The following ARHGEF3 variants were observed in gnomAD, a reference collection of about 807,000 sequenced individuals.
ARHGEF3 encodes Rho guanine nucleotide exchange factor 3.
Under a neutral mutation model 63.2 loss-of-function variants are expected in ARHGEF3, and 28 were observed. The ratio of observed to expected loss-of-function variants is 0.44; its 90% confidence interval spans 0.33 to 0.61. The LOEUF (loss-of-function observed/expected upper bound fraction) is 0.61, where lower values mean the gene tolerates loss of function less well. Ranked by LOEUF, ARHGEF3 falls within the 20% of genes least tolerant of loss-of-function variation. ARHGEF3 has a pLI of 0.03. For synonymous variants in ARHGEF3, 266 were observed against 254.2 expected, an observed-to-expected ratio of 1.05 and a Z score of -0.44; for missense variants, 533 against 659.3, an observed-to-expected ratio of 0.81 and a Z score of 2.10.
chr3:56,962,920 C>T (rs973733779), intron 2 of ARHGEF3, among the ~76,000 whole-genome samples: 1 of 152,142 alleles, frequency 6.6e-6, no homozygotes, highest in Non-Finnish European at 1.5e-5. Flanking sequence ...GACTGTTTCT[C>T]GTCACCTTGA....
At chr3:57,019,801 G>A (rs1369734074) in intron 2 of ARHGEF3, among the ~76,000 whole-genome samples, 2 of 152,180 alleles carry the variant, frequency 1.3e-5, no homozygotes, top group African/African-American at 4.8e-5. Flanking sequence ...CTGAGAGGCT[G>A]GGGGTAAGGG....
At chr3:56,904,119 TC>T (rs2041610509) in intron 3 of ARHGEF3, among the ~76,000 whole-genome samples, 3 of 152,124 alleles carry the variant, frequency 2.0e-5, no homozygotes, top group Admixed American at 1.3e-4. Flanking sequence ...AACCTCTGCT[TC>T]CCCAGCTTAA....
chr3:56,993,042 C>G (rs1482491421), intron 2 of ARHGEF3, among the ~76,000 whole-genome samples: 1 of 152,160 alleles, frequency 6.6e-6, no homozygotes, highest in East Asian at 1.9e-4. Context: ...ACCATATTGG[C>G]CAGTCTGGCC....
At chr3:56,838,994 C>G (rs552578714) in intron 4 of ARHGEF3, among the ~76,000 whole-genome samples, 9 of 152,134 alleles carry the variant, frequency 5.9e-5, no homozygotes, top group Non-Finnish European at 1.2e-4. Context: ...TAAAAATTTA[C>G]TGGGCGTGGT....
intron 1 of ARHGEF3, chr3:57,075,248 ACT>A (rs915811530): frequency 6.1e-6 from 1 of 162,856 alleles, no homozygotes; most frequent in African/African-American, 2.5e-5. Context: ...TACACTGGCC[ACT>A]CTCCCTCACA....
At chr3:57,078,765 G>T (rs1297655018) in intron 1 of ARHGEF3, 1 of 152,998 alleles carries the variant, frequency 6.5e-6, no homozygotes, top group East Asian at 1.9e-4. Context: ...CACCAGCAGC[G>T]CCCGACGCGA....
chr3:56,954,126 A>G (rs952462710), intron 3 of ARHGEF3, among the ~76,000 whole-genome samples: 1 of 152,186 alleles, frequency 6.6e-6, no homozygotes, highest in African/African-American at 2.4e-5. Flanking sequence ...AGAAGGAGAC[A>G]AGACAAAAAG....
chr3:57,002,513 TG>T (rs1175668726), intron 2 of ARHGEF3, among the ~76,000 whole-genome samples: 8 of 81,932 alleles, frequency 9.8e-5, no homozygotes, highest in Admixed American at 3.0e-4. Flanking sequence ...TATATATATA[TG>T]TTATATATGT....
intron 2 of ARHGEF3, among the ~76,000 whole-genome samples, chr3:57,013,340 A>G (rs760009456): frequency 1.4e-4 from 21 of 152,224 alleles, no homozygotes; most frequent in Non-Finnish European, 2.2e-4. Context: ...TGAGTCCAGT[A>G]GGGGCTTGGA....
intron 4 of ARHGEF3, among the ~76,000 whole-genome samples, chr3:56,832,783 C>T (rs1322099695): frequency 6.6e-6 from 1 of 152,224 alleles, no homozygotes; most frequent in African/African-American, 2.4e-5. Flanking sequence ...CCCCTCAGTG[C>T]CTGACAACCA....
chr3:56,821,907 T>C (rs1449140958), intron 4 of ARHGEF3, among the ~76,000 whole-genome samples: 2 of 150,860 alleles, frequency 1.3e-5, no homozygotes, highest in African/African-American at 2.4e-5. Context: ...GAGGTTGCAG[T>C]AAGCCAAGTC....
chr3:56,744,558 C>G (rs2034261132), intron 7 of ARHGEF3, among the ~76,000 whole-genome samples: 1 of 152,070 alleles, frequency 6.6e-6, no homozygotes, highest in South Asian at 2.1e-4. Context: ...GCCACCTCGC[C>G]CAGCTAATTT....
intron 1 of ARHGEF3, among the ~76,000 whole-genome samples, chr3:56,774,367 C>T (rs956408111): frequency 6.6e-6 from 1 of 151,968 alleles, no homozygotes; most frequent in African/African-American, 2.4e-5. Context: ...TTTGTATCTA[C>T]AGCATATTTG....
chr3:57,042,675 TATATATATATATATATATA>T lies in ARHGEF3; in HGVS notation c.-27-7518_-27-7500del, dbSNP rs1308090061. 5.2e-3 allele frequency among the ~76,000 whole-genome samples: 213 copies of T among 41,336 alleles called. 11 individuals carry two copies. The highest frequency in any genetic ancestry group is 0.017 in the African/African-American group (137 of 8,284). 27.1% of individuals were successfully genotyped at this position (41,336 alleles called of 152,430 possible). A position where few individuals can be genotyped will look rare whatever the true frequency, so the allele number is the denominator to read the frequency against. On this transcript the variant is annotated intron_variant, in intron 1 of 12. Transcript: ENST00000338458. ...AAATATATATATATATATATATATATATATATATATATATATATATATATATTTTTTTTTTTTTTTAGAC... is the reference window on the plus strand; with the variant it reads ...AAATATATATATATATATATATATATTATATATTTTTTTTTTTTTTTAGAC...
chr3:56,956,564 T>C (rs1316796008), intron 3 of ARHGEF3, among the ~76,000 whole-genome samples: 1 of 152,200 alleles, frequency 6.6e-6, no homozygotes, highest in Non-Finnish European at 1.5e-5. Flanking sequence ...GGAAAACAGT[T>C]GAAGAGGTCT....
chr3:57,047,892 A>T (rs1704525612), intron 1 of ARHGEF3, among the ~76,000 whole-genome samples: 1 of 152,154 alleles, frequency 6.6e-6, no homozygotes, highest in African/African-American at 2.4e-5. Flanking sequence ...AGTGGGGGAA[A>T]GATACATCCA....
intron 4 of ARHGEF3, among the ~76,000 whole-genome samples, chr3:56,752,406 C>T (rs905699828): frequency 6.6e-6 from 1 of 152,140 alleles, no homozygotes. Flanking sequence ...CACAAGACAG[C>T]AAAAAGCCAT....
chr3:56,934,004 A>T (rs2042481329), intron 3 of ARHGEF3, among the ~76,000 whole-genome samples: 1 of 152,126 alleles, frequency 6.6e-6, no homozygotes, highest in African/African-American at 2.4e-5. Context: ...ACCATGTAAG[A>T]TGTGCCTGCT....
chr3:57,068,256 A>C (rs114575978), intron 1 of ARHGEF3, among the ~76,000 whole-genome samples: 2 of 152,180 alleles, frequency 1.3e-5, no homozygotes, highest in South Asian at 2.1e-4. Context: ...AGAAGCCACC[A>C]TACTCCACCA....
Sources: gnomAD v4.1 joint callset for allele counts (sites outside exome capture counted in the v4.1 genomes callset) on GRCh38, gnomAD v4.1.1 for gene constraint, MANE v1.5 for transcripts, NCBI Gene and HGNC (gene_info 2026-07-23, HGNC 2026-07-21) for gene names.